RFC3: variants seen among roughly 807,000 people sequenced by gnomAD.
The protein encoded by RFC3 is replication factor C subunit 3.
Under a neutral mutation model 45.1 loss-of-function variants are expected in RFC3, and 41 were observed. The observed-to-expected ratio is 0.91, with a 90% CI of 0.71 to 1.18. RFC3 has a LOEUF of 1.18. Among genes scored for constraint, RFC3 ranks in the 50% most tolerant of loss-of-function variants. RFC3 has a pLI of 0.00. For missense variants in RFC3, 423 were observed against 428.1 expected (o/e 0.99, Z 0.10); for synonymous variants, 149 against 144.0 (o/e 1.03, Z -0.25).
chr13:33,883,647 G>C (rs188455608), intron 8 of RFC3, among the ~76,000 whole-genome samples: 1 of 152,264 alleles, frequency 6.6e-6, no homozygotes, highest in Admixed American at 6.5e-5. Flanking sequence ...GGGAGAAATA[G>C]GTAAAGGGTA....
intron 8 of RFC3, among the ~76,000 whole-genome samples, chr13:33,941,289 G>A (rs1353462226): frequency 6.6e-6 from 1 of 151,270 alleles, no homozygotes; most frequent in Non-Finnish European, 1.5e-5. Flanking sequence ...CCTTCAATGT[G>A]TCTGCGCACC....
chr13:33,914,877 A>G (rs1209605324), intron 8 of RFC3, among the ~76,000 whole-genome samples: 2 of 152,162 alleles, frequency 1.3e-5, no homozygotes, highest in African/African-American at 4.8e-5. Context: ...AAATAGGAAA[A>G]TGACTGAGAA....
intron 8 of RFC3, among the ~76,000 whole-genome samples, chr13:33,934,323 A>G (rs996958243): frequency 3.3e-5 from 5 of 152,178 alleles, no homozygotes; most frequent in Non-Finnish European, 5.9e-5. Context: ...ACAAAGTGAG[A>G]CCCTGTCTCA....
intron 8 of RFC3, among the ~76,000 whole-genome samples, chr13:33,893,650 T>C (rs2082577480): frequency 6.6e-6 from 1 of 151,894 alleles, no homozygotes; most frequent in Non-Finnish European, 1.5e-5. Context: ...AATGCAGAAA[T>C]TTATCAGACT....
At chr13:33,834,452 C>T (rs2082134881) in intron 7 of RFC3, among the ~76,000 whole-genome samples, 1 of 147,460 alleles carries the variant, frequency 6.8e-6, no homozygotes, top group Non-Finnish European at 1.5e-5. Flanking sequence ...TCCCCTTTCT[C>T]TCCCTAGAAT....
At chr13:33,972,162 T>A in the RFC3 span, among the ~76,000 whole-genome samples, 2 of 152,262 alleles carry the variant, frequency 1.3e-5, no homozygotes, top group Non-Finnish European at 2.9e-5. Flanking sequence ...TACTTTTTGA[T>A]GTAGCCAACT....
chr13:33,822,661 A>C (rs912755705), intron 2 of RFC3, among the ~76,000 whole-genome samples: 3 of 152,206 alleles, frequency 2.0e-5, no homozygotes, highest in African/African-American at 7.2e-5. Context: ...CTAGTTATCT[A>C]TCCAGAGAAA....
At chr13:33,973,947 CT>C in the RFC3 span, among the ~76,000 whole-genome samples, 1 of 152,092 alleles carries the variant, frequency 6.6e-6, no homozygotes, top group Non-Finnish European at 1.5e-5. Flanking sequence ...TCAAAGGCAC[CT>C]CTGATTGTCT....
intron 8 of RFC3, among the ~76,000 whole-genome samples, chr13:33,869,510 A>G (rs7328457): frequency 0.77 from 116,983 of 152,102 alleles, 47,442 homozygotes; most frequent in Non-Finnish European, 0.92. Context: ...AGAAAATACA[A>G]TCCTTTTCAG....
At chr13:33,926,585 A>C (rs2082815228) in intron 8 of RFC3, among the ~76,000 whole-genome samples, 1 of 152,032 alleles carries the variant, frequency 6.6e-6, no homozygotes, top group Admixed American at 6.6e-5. Flanking sequence ...TTTTACTGTA[A>C]GTTTTACTTT....
chr13:33,896,062 A>G (rs2137649956), intron 8 of RFC3, among the ~76,000 whole-genome samples: 1 of 152,158 alleles, frequency 6.6e-6, no homozygotes, highest in South Asian at 2.1e-4. Flanking sequence ...TACAAGGTAC[A>G]CTACTCAGGT....
chr13:33,933,863 G>A (rs531475800), intron 8 of RFC3, among the ~76,000 whole-genome samples: 6 of 151,782 alleles, frequency 4.0e-5, no homozygotes, highest in Non-Finnish European at 5.9e-5. Context: ...GGCTAACTAC[G>A]TTAAATTAAG....
chr13:33,855,632 G>A (rs2082304183), intron 8 of RFC3, among the ~76,000 whole-genome samples: 1 of 152,140 alleles, frequency 6.6e-6, no homozygotes, highest in South Asian at 2.1e-4. Flanking sequence ...AACCTTGCCA[G>A]CACTGGTTAT....
intron 8 of RFC3, among the ~76,000 whole-genome samples, chr13:33,875,274 A>G (rs1566012101): frequency 1.3e-5 from 2 of 152,186 alleles, no homozygotes; most frequent in African/African-American, 2.4e-5. Context: ...AGAGGGGGCC[A>G]CAGGGTGCAT....
intron 8 of RFC3, among the ~76,000 whole-genome samples, chr13:33,857,952 G>A (rs2082317968): frequency 2.0e-5 from 3 of 152,196 alleles, no homozygotes; most frequent in African/African-American, 4.8e-5. Context: ...GAGCAAAATG[G>A]TTAAGCAGAG....
downstream of RFC3, among the ~76,000 whole-genome samples, chr13:33,967,769 A>G (rs1466131631): frequency 6.7e-6 from 1 of 149,864 alleles, no homozygotes; most frequent in Non-Finnish European, 1.5e-5. Context: ...TACAGGTGTG[A>G]GCCACTGCAC....
At chr13:33,969,835 G>A (rs1342206890), downstream of RFC3, among the ~76,000 whole-genome samples, 1 of 151,162 alleles carries the variant, frequency 6.6e-6, no homozygotes, top group Non-Finnish European at 1.5e-5. Context: ...TTATATGTGA[G>A]CATATTTCTG....
At chr13:33,899,379 A>G (rs900367997) in intron 8 of RFC3, among the ~76,000 whole-genome samples, 2 of 151,922 alleles carry the variant, frequency 1.3e-5, no homozygotes, top group East Asian at 1.9e-4. Flanking sequence ...ATGGTTCAAC[A>G]TACGCAAATC....
downstream of RFC3, among the ~76,000 whole-genome samples, chr13:33,967,179 A>T (rs544206403): frequency 4.4e-3 from 673 of 152,126 alleles, 5 homozygotes; most frequent in African/African-American, 0.016. Context: ...AAAAAAATTT[A>T]AAAAAAGGGA....
Sources: gnomAD v4.1 joint callset for allele counts (sites outside exome capture counted in the v4.1 genomes callset) on GRCh38, gnomAD v4.1.1 for gene constraint, MANE v1.5 for transcripts, NCBI Gene and HGNC (gene_info 2026-07-23, HGNC 2026-07-21) for gene names.